The following KLHL28 variants were observed in gnomAD, a reference collection of about 807,000 sequenced individuals.
KLHL28 encodes the protein kelch like family member 28.
KLHL28 carries 22 observed loss-of-function variants against 48.3 expected under a neutral mutation model. That is an observed-to-expected ratio of 0.46 (90% CI 0.33 to 0.65). KLHL28 has a LOEUF of 0.65. KLHL28 is among the 30% of genes least tolerant of loss of function. The pLI, the probability that KLHL28 is intolerant of heterozygous loss-of-function variation, is 0.03. For missense variants in KLHL28, 527 were observed against 704.3 expected (o/e 0.75, Z 2.85); for synonymous variants, 243 against 242.4 (o/e 1.00, Z -0.02).
Position 44,931,528 on chromosome 14 carries a change from C to A in KLHL28, c.1357G>T (p.Asp453Tyr). 1 of 1,612,498 alleles carries A rather than the reference C, an allele frequency of 6.2e-7. No homozygotes were observed. Among genetic ancestry groups the A allele is most frequent in the South Asian group, 1.1e-5 (1 of 91,036 alleles). Residue 453 changes from aspartate to tyrosine, a missense_variant, in exon 4 of 5, where the codon GAT (aspartate) becomes TAT (tyrosine). Physicochemically the swap from Asp to Tyr is radical, Grantham distance 160 (BLOSUM62 -3). Transcript: ENST00000396128. ...ATCTCCCAGGAGTCCTTACTTGGAT[C>A]ATAACGCTCCACACTGCAAATATTT... is the stretch of plus-strand genomic sequence containing the variant. ...PAHMNSVERY[D>Y]PSKDSWEMVA...
chr14:44,937,185 G>A (rs1317550167), intron 2 of KLHL28, among the ~76,000 whole-genome samples: 5 of 144,096 alleles, frequency 3.5e-5, no homozygotes, highest in South Asian at 2.2e-4. Flanking sequence ...TCACTCTGTC[G>A]CCCAGGCTGG....
chr14:44,930,878 T>C (rs1035926176), intron 4 of KLHL28, among the ~76,000 whole-genome samples: 1 of 152,230 alleles, frequency 6.6e-6, no homozygotes, highest in Non-Finnish European at 1.5e-5. Context: ...TTGTTTTGTT[T>C]CTACGAACTC....
chr14:44,934,543 A>G lies in KLHL28; in HGVS notation c.915T>C (p.Phe305=), dbSNP rs759629589. The G allele has an allele frequency of 6.3e-7, 1 of 1,587,526 alleles. No homozygotes were observed. The highest frequency in any genetic ancestry group is 1.8e-5 in the Admixed American group (1 of 54,628). ...AACCAATCCAAGAGTCATTCTGAGG[A>G]AAGTACATCTCCACACTAAAGAATA... ...FACLDSVEMY[F]PQNDSWIGLA... is the part of the protein sequence containing the mutation. The change falls in exon 3 of 5, where the codon TTT becomes TTC. Residue 305 remains phenylalanine (F), a synonymous_variant. Transcript: ENST00000396128.
At chr14:44,944,787 G>A (rs1205337072) in intron 2 of KLHL28, among the ~76,000 whole-genome samples, 2 of 152,138 alleles carry the variant, frequency 1.3e-5, no homozygotes, top group Admixed American at 6.6e-5. Flanking sequence ...AAAAGTTTGT[G>A]AGTAACCAGG....
In KLHL28 at chr14:44,934,374, C is replaced by T. The variant is rs775108364; in HGVS notation, c.1084G>A (p.Asp362Asn). 1 of 1,614,158 alleles carries T rather than the reference C, an allele frequency of 6.2e-7. No individual in the cohort carries two copies. Among genetic ancestry groups the T allele is most frequent in the Non-Finnish European group, 8.5e-7 (1 of 1,180,020 alleles). ...HENSVECWNP[D>N]TNTWTSLERM... The stretch of plus-strand genomic sequence containing the variant: ...TCTAGAGAAGTCCAAGTATTTGTAT[C>T]AGGATTCCAGCATTCCACTGAATTT... Residue 362 changes from aspartate (D) to asparagine (N), a missense_variant, in exon 3 of 5, where the codon GAT (aspartate) becomes AAT (asparagine). Coordinates refer to ENST00000396128, the MANE Select transcript of KLHL28 (RefSeq NM_017658.5).
intron 2 of KLHL28, among the ~76,000 whole-genome samples, chr14:44,937,340 G>A (rs918032836): frequency 6.6e-6 from 1 of 151,734 alleles, no homozygotes; most frequent in African/African-American, 2.4e-5. Flanking sequence ...GTAGAGACAG[G>A]GTTTCACTAT....
chr14:44,958,989 C>T (rs952855093), intron 1 of KLHL28, among the ~76,000 whole-genome samples: 2 of 151,274 alleles, frequency 1.3e-5, no homozygotes, highest in Non-Finnish European at 3.0e-5. Flanking sequence ...AAAGTGTTAC[C>T]TCAAACAAGA....
chr14:44,944,491 T>A (rs1195278501), intron 2 of KLHL28, among the ~76,000 whole-genome samples: 1 of 152,238 alleles, frequency 6.6e-6, no homozygotes, highest in Non-Finnish European at 1.5e-5. Context: ...AACATATTTC[T>A]TAATGCTGTC....
chr14:44,944,204 A>C (rs927507895), intron 2 of KLHL28, among the ~76,000 whole-genome samples: 1 of 152,236 alleles, frequency 6.6e-6, no homozygotes, highest in Admixed American at 6.5e-5. Context: ...TATATTTTCA[A>C]TGTATAAAAG....
At chr14:44,951,978 C>A (rs1884603569) in intron 1 of KLHL28, among the ~76,000 whole-genome samples, 1 of 152,126 alleles carries the variant, frequency 6.6e-6, no homozygotes, top group Non-Finnish European at 1.5e-5. Context: ...CCCACTTCAG[C>A]CTCCCAAGTA....
chr14:44,934,090 G>A, intron 3 of KLHL28, 25 bp downstream of exon 3: 1 of 1,516,982 alleles, frequency 6.6e-7, no homozygotes, highest in Non-Finnish European at 9.0e-7. Context: ...ATAAACATAT[G>A]CAATTTAATT....
intron 1 of KLHL28, among the ~76,000 whole-genome samples, chr14:44,947,389 T>C (rs1373617123): frequency 6.6e-6 from 1 of 152,186 alleles, no homozygotes; most frequent in African/African-American, 2.4e-5. Flanking sequence ...TCCAAAACTG[T>C]GAGAGAATAC....
intron 2 of KLHL28, among the ~76,000 whole-genome samples, chr14:44,938,521 A>G (rs549431081): frequency 6.3e-4 from 95 of 151,846 alleles, no homozygotes; most frequent in Non-Finnish European, 1.2e-3. Context: ...ACAGGCGCCC[A>G]CCACCACGCC....
Position 44,945,502 on chromosome 14 carries a change from A to G in KLHL28, c.427T>C (p.Phe143Leu). The G allele has an allele frequency of 6.2e-7, 1 of 1,614,194 alleles. No individual in the cohort carries two copies. The highest frequency in any genetic ancestry group is 8.5e-7 in the Non-Finnish European group (1 of 1,180,036). The change falls in exon 2 of 5, where the codon TTT becomes CTT. Residue 143 changes from phenylalanine to leucine, a missense_variant. By Grantham distance (22) the Phe-to-Leu change is conservative (BLOSUM62 0). Transcript: ENST00000396128. Reference protein sequence around the residue: ...DPGNCIGISRFAETYGCRDLY... With the variant: ...DPGNCIGISRLAETYGCRDLY... ...TCACGGCAACCATATGTTTCTGCAA[A>G]ACGAGAAATTCCAATACAATTACCA...
chr14:44,956,833 A>G (rs1303720668), intron 1 of KLHL28, among the ~76,000 whole-genome samples: 1 of 152,016 alleles, frequency 6.6e-6, no homozygotes, highest in Non-Finnish European at 1.5e-5. Flanking sequence ...TGTTTTTAAG[A>G]GCTTTTTTCT....
At chr14:44,940,320 A>G (rs1884015233) in intron 2 of KLHL28, among the ~76,000 whole-genome samples, 1 of 151,648 alleles carries the variant, frequency 6.6e-6, no homozygotes, top group South Asian at 2.1e-4. Flanking sequence ...GGAGGGACAC[A>G]TTTAAACTAT....
At chr14:44,931,684 T>A (rs965417303) in intron 3 of KLHL28, 143 bp from the exon 4 acceptor site, 1 of 641,516 alleles carries the variant, frequency 1.6e-6, no homozygotes, top group African/African-American at 1.8e-5. Context: ...AATGCTTAGG[T>A]TTTGCTGATA....
intron 2 of KLHL28, among the ~76,000 whole-genome samples, chr14:44,944,018 C>A (rs1248277076): frequency 6.6e-6 from 1 of 152,052 alleles, no homozygotes; most frequent in African/African-American, 2.4e-5. Flanking sequence ...TTTAAAGATG[C>A]AGAATTTATC....
At chr14:44,951,642 A>C (rs904217342) in intron 1 of KLHL28, among the ~76,000 whole-genome samples, 1 of 152,214 alleles carries the variant, frequency 6.6e-6, no homozygotes, top group African/African-American at 2.4e-5. Flanking sequence ...TCATAAAAGA[A>C]AGCCTAGCAT....
Sources: gnomAD v4.1 joint callset for allele counts (sites outside exome capture counted in the v4.1 genomes callset) on GRCh38, gnomAD v4.1.1 for gene constraint, MANE v1.5 for transcripts, NCBI Gene and HGNC (gene_info 2026-07-23, HGNC 2026-07-21) for gene names.